The following PCDH15 variants were observed in gnomAD, a reference collection of about 807,000 sequenced individuals.
The protein encoded by PCDH15 is protocadherin-15.
PCDH15 carries 129 observed loss-of-function variants against 178.5 expected under a neutral mutation model. The ratio of observed to expected loss-of-function variants is 0.72; its 90% CI spans 0.63 to 0.84. The LOEUF is 0.84. Among genes scored for constraint, PCDH15 ranks in the 40% least tolerant of loss-of-function variants. The probability of loss-of-function intolerance (pLI) is 0.00; values close to 1 mark genes in which losing one functional copy is unlikely to be tolerated. For missense variants in PCDH15, 2,230 were observed against 2,099.9 expected, an observed-to-expected ratio of 1.06 and a Z score of -1.21; for synonymous variants, 800 against 732.0, an observed-to-expected ratio of 1.09 and a Z score of -1.50.
In PCDH15 at chr10:54,198,495, C is replaced by CTT. The variant is rs1186240206; in HGVS notation, c.1099-2608_1099-2607dup. 2.0e-3 allele frequency among the ~76,000 whole-genome samples: 61 copies of CTT among 31,172 alleles called. 9 individuals are homozygous for CTT. The highest frequency in any genetic ancestry group is 2.2e-3 in the Non-Finnish European group (49 of 22,748). The allele number at this position is 31,172 out of a possible 152,430, so 20.5% of individuals were successfully genotyped here. Reference sequence around the variant, plus strand: ...CATCTTTCTTTAATATCTAATTATTCTTTTTTTTTTTTTTTTTTTTTTTTG... The same window carrying CTT: ...CATCTTTCTTTAATATCTAATTATTCTTTTTTTTTTTTTTTTTTTTTTTTTTG... On this transcript the variant is annotated intron_variant, in intron 10 of 37. Coordinates refer to ENST00000644397, the MANE Select transcript of PCDH15 (RefSeq NM_001384140.1).
chr10:54,912,946 CT>C (rs1954842804), intron 2 of PCDH15, among the ~76,000 whole-genome samples: 1 of 152,080 alleles, frequency 6.6e-6, no homozygotes, highest in Non-Finnish European at 1.5e-5. Flanking sequence ...CATTGTGCCT[CT>C]GCTCAAGATG....
intron 30 of PCDH15, among the ~76,000 whole-genome samples, chr10:53,830,067 G>C (rs1252492980): frequency 1.3e-5 from 2 of 152,142 alleles, no homozygotes; most frequent in African/African-American, 4.8e-5. Context: ...ACTTTGGGAG[G>C]CTGAGGTGGG....
chr10:55,208,686 T>C (rs1355362303), intron 1 of PCDH15, among the ~76,000 whole-genome samples: 2 of 152,104 alleles, frequency 1.3e-5, no homozygotes, highest in Non-Finnish European at 2.9e-5. Flanking sequence ...CTGCCGGCTT[T>C]TCACATATTT....
chr10:55,021,420 TAAG>T (rs1261362943), intron 2 of PCDH15, among the ~76,000 whole-genome samples: 1 of 152,166 alleles, frequency 6.6e-6, no homozygotes, highest in Non-Finnish European at 1.5e-5. Context: ...TTATTGGAAA[TAAG>T]AAGGGATGGA....
Position 54,023,164 on chromosome 10 carries a change from C to T in PCDH15, c.2254G>A (p.Val752Met). ...TDPDAGINGQ[V>M]HYSLGNFNNL... ...TTAAAGTTACCCAAACTGTAGTGCACTTGACCATTTATTCCAGCATCAGGG... is the reference window on the plus strand; with the variant it reads ...TTAAAGTTACCCAAACTGTAGTGCATTTGACCATTTATTCCAGCATCAGGG... The change falls in exon 19 of 38, where the codon GTG (valine) becomes ATG (methionine). Residue 752 changes from valine to methionine, a missense_variant. Val to Met is a conservative substitution (Grantham distance 21). Transcript: ENST00000644397. The T allele has an allele frequency of 4.3e-6, 7 of 1,613,684 alleles. No homozygotes were observed. The highest frequency in any genetic ancestry group is 1.3e-5 in the African/African-American group (1 of 75,012).
intron 1 of PCDH15, among the ~76,000 whole-genome samples, chr10:55,209,547 A>G (rs923500777): frequency 6.6e-6 from 1 of 151,980 alleles, no homozygotes; most frequent in African/African-American, 2.4e-5. Flanking sequence ...GAGGGGTGGG[A>G]TAAAAACTGT....
intron 1 of PCDH15, among the ~76,000 whole-genome samples, chr10:54,711,707 G>C (rs1187342710): frequency 6.6e-6 from 1 of 151,728 alleles, no homozygotes; most frequent in East Asian, 1.9e-4. Flanking sequence ...AAGCCCAGTT[G>C]AAAATATACA....
At chr10:53,888,252 A>G (rs1456015813) in intron 26 of PCDH15, among the ~76,000 whole-genome samples, 2 of 143,260 alleles carry the variant, frequency 1.4e-5, no homozygotes, top group Non-Finnish European at 3.0e-5. Flanking sequence ...ATATCTGTAG[A>G]CCAATTGGAT....
intron 2 of PCDH15, among the ~76,000 whole-genome samples, chr10:54,935,653 C>T (rs1837886409): frequency 6.6e-6 from 1 of 152,080 alleles, no homozygotes; most frequent in Non-Finnish European, 1.5e-5. Flanking sequence ...AAATTGTACT[C>T]ACATACTCAG....
At chr10:54,571,583 T>C (rs981766927) in intron 2 of PCDH15, among the ~76,000 whole-genome samples, 1 of 152,042 alleles carries the variant, frequency 6.6e-6, no homozygotes, top group Non-Finnish European at 1.5e-5. Flanking sequence ...TAGTGAGCTA[T>C]ATTGAGCTTA....
At chr10:55,230,887 G>A (rs1319519479) in intron 1 of PCDH15, among the ~76,000 whole-genome samples, 1 of 151,972 alleles carries the variant, frequency 6.6e-6, no homozygotes, top group Admixed American at 6.6e-5. Flanking sequence ...TGAAGGGGTT[G>A]TTAATGGTCA....
chr10:54,448,246 T>C (rs527426770), intron 3 of PCDH15, among the ~76,000 whole-genome samples: 2 of 151,888 alleles, frequency 1.3e-5, no homozygotes, highest in Middle Eastern at 3.4e-3. Context: ...TTTTGAAACA[T>C]TAATGTCATT....
At chr10:54,631,670 G>A (rs1232830804) in intron 2 of PCDH15, among the ~76,000 whole-genome samples, 1 of 152,150 alleles carries the variant, frequency 6.6e-6, no homozygotes. Flanking sequence ...CTGCTATAAA[G>A]TACTGCCTGA....
chr10:55,296,464 G>A (rs1178020953), intron 1 of PCDH15, among the ~76,000 whole-genome samples: 2 of 152,126 alleles, frequency 1.3e-5, no homozygotes, highest in African/African-American at 2.4e-5. Context: ...AGCAAAAGAT[G>A]TTCCTTTCAC....
intron 1 of PCDH15, among the ~76,000 whole-genome samples, chr10:54,770,942 C>A (rs997807252): frequency 6.6e-6 from 1 of 152,030 alleles, no homozygotes; most frequent in Admixed American, 6.6e-5. Flanking sequence ...TTTAGAATAG[C>A]CAGTTGGCTT....
intron 2 of PCDH15, among the ~76,000 whole-genome samples, chr10:55,395,152 C>T (rs1206433655): frequency 6.8e-6 from 1 of 147,712 alleles, no homozygotes; most frequent in Admixed American, 6.7e-5. Flanking sequence ...TGACTACAGA[C>T]ATTTCTATTT....
intron 2 of PCDH15, among the ~76,000 whole-genome samples, chr10:55,484,044 A>G (rs1589070525): frequency 6.6e-6 from 1 of 151,890 alleles, no homozygotes; most frequent in South Asian, 2.1e-4. Flanking sequence ...GCAAACTAAC[A>G]CAGGAACAGA....
intron 2 of PCDH15, among the ~76,000 whole-genome samples, chr10:55,572,032 A>C (rs1297135231): frequency 6.6e-6 from 1 of 152,078 alleles, no homozygotes; most frequent in East Asian, 1.9e-4. Context: ...TCAATATTTT[A>C]TGAAGTTGTA....
At chr10:55,091,095 C>T (rs1842307260) in intron 2 of PCDH15, among the ~76,000 whole-genome samples, 1 of 151,744 alleles carries the variant, frequency 6.6e-6, no homozygotes, top group Non-Finnish European at 1.5e-5. Flanking sequence ...TAAAATACTA[C>T]AATATTTCTT....
Sources: gnomAD v4.1 joint callset for allele counts (sites outside exome capture counted in the v4.1 genomes callset) on GRCh38, gnomAD v4.1.1 for gene constraint, MANE v1.5 for transcripts, NCBI Gene and HGNC (gene_info 2026-07-23, HGNC 2026-07-21) for gene names.